Variants in NUMB observed in about 807,000 individuals in gnomAD.
NUMB encodes the protein NUMB endocytic adaptor protein.
Under a neutral mutation model 59.7 loss-of-function variants are expected in NUMB, and 29 were observed. The observed-to-expected ratio is 0.49, with a 90% confidence interval of 0.36 to 0.66. The LOEUF is 0.66. Ranked by LOEUF, NUMB falls within the 30% of genes least tolerant of loss-of-function variation. The pLI is 0.00. For missense variants in NUMB, 723 were observed against 822.0 expected (o/e 0.88, Z 1.47); for synonymous variants, 288 against 288.2 (o/e 1.00, Z 0.01).
chr14:73,283,185 A>G (rs1435310708), intron 10 of NUMB, among the ~76,000 whole-genome samples: 1 of 152,218 alleles, frequency 6.6e-6, no homozygotes, highest in Non-Finnish European at 1.5e-5. Flanking sequence ...AAAGAGAATA[A>G]TAGTTTTTAT....
chr14:73,451,132 C>T (rs1331350489), intron 1 of NUMB, among the ~76,000 whole-genome samples: 4 of 121,640 alleles, frequency 3.3e-5, no homozygotes, highest in East Asian at 2.2e-4. Flanking sequence ...CTATCCTGGG[C>T]GACAGAGCAG....
At chr14:73,349,805 G>A (rs1182904238) in intron 4 of NUMB, among the ~76,000 whole-genome samples, 1 of 151,978 alleles carries the variant, frequency 6.6e-6, no homozygotes, top group Non-Finnish European at 1.5e-5. Context: ...CGTGAACCCG[G>A]GAGGCAGAGC....
At chr14:73,279,484 C>A in intron 11 of NUMB, 60 bp from the exon 12 acceptor site, 1 of 1,484,020 alleles carries the variant, frequency 6.7e-7, no homozygotes, top group South Asian at 1.4e-5. Flanking sequence ...CAAGTGACCC[C>A]TTGGAGCTGT....
chr14:73,283,841 T>G (rs553350603), intron 10 of NUMB, among the ~76,000 whole-genome samples: 1 of 152,206 alleles, frequency 6.6e-6, no homozygotes, highest in Non-Finnish European at 1.5e-5. Context: ...ACAAATCTTA[T>G]GGCTTAGGCT....
rs184238986 is a variant in NUMB, at chr14:73,299,664, C to T, written c.235-2379G>A. The stretch of plus-strand genomic sequence containing the variant: ...TAGCGGTTCTGTTTCTTTGGAGGAT[C>T]GTGATACAGAAGTAGAAGTTAGACT... On this transcript the variant is annotated intron_variant, in intron 6 of 12. Coordinates refer to ENST00000555238, the MANE Select transcript of NUMB (RefSeq NM_001005743.2). Among the ~76,000 whole-genome samples, 19 of 151,038 alleles carry T rather than the reference C, an allele frequency of 1.3e-4. No homozygotes were observed. The East Asian group carries it at 3.1e-3, about 25-fold the overall frequency.
intron 6 of NUMB, among the ~76,000 whole-genome samples, 175 bp downstream of exon 6, chr14:73,316,215 A>AC (rs1257634985): frequency 6.6e-6 from 1 of 152,182 alleles, no homozygotes; most frequent in African/African-American, 2.4e-5. Context: ...GTATCAGTAG[A>AC]CCCACTGATA....
intron 1 of NUMB, among the ~76,000 whole-genome samples, chr14:73,455,273 A>G (rs1448087674): frequency 6.6e-6 from 1 of 152,198 alleles, no homozygotes; most frequent in African/African-American, 2.4e-5. Flanking sequence ...TTTTAAAGAA[A>G]GCTGCAAGGA....
At position 73,411,452 on chromosome 14, in the gene NUMB, C is replaced by T. The variant is rs1159377309; in HGVS notation, c.-232-1384G>A. 2.6e-5 allele frequency among the ~76,000 whole-genome samples: 4 copies of T among 152,206 alleles called. No individual in the cohort carries two copies. In the East Asian group the frequency reaches 7.7e-4, roughly 29 times the overall value. On this transcript the variant is annotated intron_variant, in intron 1 of 12. Coordinates refer to ENST00000555238, the MANE Select transcript of NUMB (RefSeq NM_001005743.2). ...CAATCCAAAAGGTGAAAATGTTCAGCTCACACACCTTCCAGGAGACAAAAA... is the reference window on the plus strand; with the variant it reads ...CAATCCAAAAGGTGAAAATGTTCAGTTCACACACCTTCCAGGAGACAAAAA...
chr14:73,332,649 G>A (rs1028920179), intron 4 of NUMB, among the ~76,000 whole-genome samples: 2 of 65,852 alleles, frequency 3.0e-5, no homozygotes, highest in Non-Finnish European at 5.6e-5. Context: ...ATTAACAGGA[G>A]AGATGTGTCT....
intron 1 of NUMB, among the ~76,000 whole-genome samples, chr14:73,418,962 G>A (rs74061115): frequency 8.8e-4 from 134 of 152,050 alleles, no homozygotes; most frequent in African/African-American, 3.2e-3. Flanking sequence ...GGACCAAAGA[G>A]TCACCCTTAT....
At chr14:73,413,821 TTC>T (rs925978288) in intron 1 of NUMB, among the ~76,000 whole-genome samples, 9 of 151,470 alleles carry the variant, frequency 5.9e-5, no homozygotes, top group African/African-American at 2.2e-4. Flanking sequence ...AAACAAAGAG[TTC>T]TTTTATTATG....
At chr14:73,440,933 C>G (rs942132547) in intron 1 of NUMB, among the ~76,000 whole-genome samples, 2 of 138,048 alleles carry the variant, frequency 1.4e-5, no homozygotes, top group Non-Finnish European at 3.1e-5. Context: ...ATCCCTGTGT[C>G]TAAAAAAGAA....
rs182053895 is a variant in NUMB at position 73,284,213 on chromosome 14, G to A, written c.817C>T (p.Arg273Cys). The change falls in exon 10 of 13, where the codon CGC becomes TGC. Residue 273 changes from arginine to cysteine, a missense_variant. This residue lies in a region of NUMB where 317 missense variants were observed against 436.6 expected (regional missense o/e 0.73). Transcript: ENST00000555238. ...GGAAAACCTCGGAAAGAGCCTTGGC[G>A]AGCAAGCTGTTCAATTGGAGCATGC... is the stretch of plus-strand genomic sequence containing the variant. ...RRHAPIEQLA[R>C]QGSFRGFPAL... 1 of 1,614,172 alleles carries A rather than the reference G, an allele frequency of 6.2e-7. No individual in the cohort carries two copies. The highest frequency in any genetic ancestry group is 2.2e-5 in the East Asian group (1 of 44,888).
intron 4 of NUMB, among the ~76,000 whole-genome samples, chr14:73,325,901 CTGTT>C (rs1381922196): frequency 1.3e-5 from 2 of 152,190 alleles, no homozygotes; most frequent in Non-Finnish European, 2.9e-5. Flanking sequence ...AACTGCCTCT[CTGTT>C]TGGTAGAATG....
chr14:73,372,305 TTATATATATATATATATA>T (rs3028704), intron 2 of NUMB, among the ~76,000 whole-genome samples: 2 of 85,998 alleles, frequency 2.3e-5, no homozygotes, highest in East Asian at 4.0e-4. Context: ...TATATTTCTT[TTATATATATATATATATA>T]TATATATATA....
chr14:73,303,042 A>G (rs1016915009), intron 6 of NUMB, among the ~76,000 whole-genome samples: 5 of 151,772 alleles, frequency 3.3e-5, no homozygotes, highest in African/African-American at 1.2e-4. Context: ...ACATGGCGAA[A>G]CCCCATCTCT....
chr14:73,336,222 A>T (rs554160597), intron 4 of NUMB, among the ~76,000 whole-genome samples: 1 of 152,306 alleles, frequency 6.6e-6, no homozygotes, highest in East Asian at 1.9e-4. Context: ...GCTTACCTGC[A>T]ACTCTCCTAT....
chr14:73,407,143 T>C (rs1418300769), intron 2 of NUMB, among the ~76,000 whole-genome samples: 1 of 151,436 alleles, frequency 6.6e-6, no homozygotes, highest in East Asian at 1.9e-4. Context: ...ATGCCAGGCC[T>C]CATCTTGTTT....
intron 1 of NUMB, among the ~76,000 whole-genome samples, chr14:73,445,574 C>T (rs1470320428): frequency 6.6e-6 from 1 of 151,920 alleles, no homozygotes. Context: ...ACAAATAACA[C>T]AGAGAAAGTT....
Sources: allele counts gnomAD v4.1 joint callset (sites outside exome capture counted in the v4.1 genomes callset), GRCh38; gene constraint gnomAD v4.1.1; regional missense constraint gnomAD v4.1.1; transcripts MANE v1.5; gene names NCBI Gene and HGNC (gene_info 2026-07-23, HGNC 2026-07-21).